SHANK1: variants seen among roughly 807,000 people sequenced by gnomAD.
SHANK1 encodes SH3 and multiple ankyrin repeat domains protein 1.
SHANK1 carries 35 observed loss-of-function variants against 165.6 expected under a neutral mutation model. The observed-to-expected ratio is 0.21, with a 90% CI of 0.16 to 0.28. The LOEUF is 0.28. SHANK1 is among the 10% of genes least tolerant of loss of function. SHANK1 has a pLI of 1.00. For synonymous variants in SHANK1, 1,428 were observed against 1,384.8 expected (o/e 1.03, Z -0.69); for missense variants, 2,681 against 3,036.4 (o/e 0.88, Z 2.75).
intron 23 of SHANK1, 35 bp downstream of exon 23, chr19:50,666,157 C>T (rs1985498375): frequency 1.3e-6 from 2 of 1,524,174 alleles, no homozygotes; most frequent in Non-Finnish European, 1.8e-6. Flanking sequence ...ATCAACACCT[C>T]TGGCCTCCCT....
rs148526987 is a variant in SHANK1 at position 50,702,575 on chromosome 19, G to T, written c.1639C>A (p.Arg547=). 1.2e-6 allele frequency: 2 copies of T among 1,609,762 alleles called. No individual in the cohort carries two copies. The highest frequency in any genetic ancestry group is 3.4e-5 in the Admixed American group (2 of 59,682). ...PGGSLGSRGR[R]RKLYSAVPGR... is the part of the protein sequence containing the mutation. ...GGTACCGCTGAGTAGAGCTTCCTCCGCCTCCCGCGGCTGCCCAGGGAGCCC... is the reference window on the plus strand; with the variant it reads ...GGTACCGCTGAGTAGAGCTTCCTCCTCCTCCCGCGGCTGCCCAGGGAGCCC... Residue 547 remains arginine, a synonymous_variant, in exon 12 of 24, where the codon CGG becomes AGG. Transcript: ENST00000293441. The surrounding 1 kb of genome is among the most constrained non-coding windows in gnomAD (Gnocchi z 5.3).
At chr19:50,705,040 C>A (rs1312155441) in intron 8 of SHANK1, among the ~76,000 whole-genome samples, 1 of 150,732 alleles carries the variant, frequency 6.6e-6, no homozygotes, top group Non-Finnish European at 1.5e-5. Context: ...GGACCTGTCT[C>A]CCCCCCAGAA....
Position 50,662,173 on chromosome 19 carries a change from T to G in SHANK1, c.6278A>C (p.Lys2093Thr). ...GAACTTGGTCCAGAACCCCAGAGGT[T>G]TAGCGCCAAACGGCTTGTCCGGGGG... The part of the protein sequence containing the change: ...SLPPDKPFGA[K>T]PLGFWTKFDV... The change falls in exon 24 of 24, where the codon AAA (lysine) becomes ACA (threonine). Residue 2093 changes from lysine to threonine, a missense_variant. Transcript: ENST00000293441. This position sits in a 1 kb window ranked among gnomAD's most constrained non-coding sequence, Gnocchi z 7.7. 3 of 1,611,354 alleles carry G rather than the reference T, an allele frequency of 1.9e-6. No homozygotes were observed. The highest frequency in any genetic ancestry group is 2.5e-6 in the Non-Finnish European group (3 of 1,177,816).
At chr19:50,682,350 G>A (rs752227286) in intron 21 of SHANK1, among the ~76,000 whole-genome samples, 89 of 152,142 alleles carry the variant, frequency 5.8e-4, no homozygotes, top group Non-Finnish European at 1.8e-4. Flanking sequence ...CACTGCGCCC[G>A]GCCCAGCCTG....
intron 15 of SHANK1, among the ~76,000 whole-genome samples, chr19:50,693,818 G>C (rs552713349): frequency 6.6e-6 from 1 of 152,146 alleles, no homozygotes; most frequent in African/African-American, 2.4e-5. Flanking sequence ...CATGGGCAGA[G>C]GGCAGAGCCA....
chr19:50,713,655 C>G lies in SHANK1; in HGVS notation c.792+143G>C. On this transcript the variant is annotated intron_variant, in intron 6 of 23. Transcript: ENST00000293441. The surrounding 1 kb of genome is among the most constrained non-coding windows in gnomAD (Gnocchi z 6.2). ...ACAAGGGTGACAATAGGGGCTGTGT[C>G]TCAGTCTATGGAAAGGGGCTTTGAA... The G allele has an allele frequency of 9.0e-7, 1 of 1,111,316 alleles. No individual in the cohort carries two copies. The highest frequency in any genetic ancestry group is 2.4e-5 in the East Asian group (1 of 42,124). The allele number at this position is 1,111,316 out of a possible 1,614,324, so 68.8% of individuals were successfully genotyped here.
In SHANK1 at chr19:50,690,903, G is replaced by A. The variant is rs1986518326; in HGVS notation, c.1965-1624C>T. On this transcript the variant is annotated intron_variant, in intron 15 of 23. Transcript: ENST00000293441. This position sits in a 1 kb window ranked among gnomAD's most constrained non-coding sequence, Gnocchi z 4.9. ...CCTGTATGCTCCCAGGACCCCCATG[G>A]CTCCCCTTGTAAAAATCCATACATT... Among the ~76,000 whole-genome samples, 1 of 152,060 alleles carries A rather than the reference G, an allele frequency of 6.6e-6. No homozygotes were observed.
chr19:50,662,611 G>T lies in SHANK1; in HGVS notation c.5840C>A (p.Pro1947Gln), dbSNP rs1433954231. The T allele has an allele frequency of 6.4e-7, 1 of 1,563,936 alleles. No homozygotes were observed. The highest frequency in any genetic ancestry group is 8.7e-7 in the Non-Finnish European group (1 of 1,154,052). ...VSSLFQNWPK[P>Q]PLPPLPTGTG... ...TCCGGTGGGGAGTGGCGGCAGAGGT[G>T]GTTTGGGCCAGTTCTGAAACAGGCT... The change falls in exon 24 of 24, where the codon CCA (proline) becomes CAA (glutamine). Residue 1947 changes from proline (P) to glutamine (Q), a missense_variant. By Grantham distance (76) the Pro-to-Gln change is moderately conservative. Coordinates refer to ENST00000293441, the MANE Select transcript of SHANK1 (RefSeq NM_016148.5). The surrounding 1 kb of genome is among the most constrained non-coding windows in gnomAD (Gnocchi z 7.7).
At chr19:50,671,596 T>C (rs111590190) in intron 22 of SHANK1, among the ~76,000 whole-genome samples, 414 of 152,024 alleles carry the variant, frequency 2.7e-3, no homozygotes, top group Middle Eastern at 6.8e-3. Context: ...GGCAAGCCCA[T>C]GAGGGCAGGA....
rs373757358 is a variant in SHANK1, at chr19:50,662,213, G to A, written c.6238C>T (p.Arg2080Cys). 31 of 1,609,540 alleles carry A rather than the reference G, an allele frequency of 1.9e-5. No individual in the cohort carries two copies. Among genetic ancestry groups the A allele is most frequent in the Middle Eastern group, 1.6e-4 (1 of 6,070 alleles). The change falls in exon 24 of 24, where the codon CGC (arginine) becomes TGC (cysteine). Residue 2080 changes from arginine (R) to cysteine (C), a missense_variant. By Grantham distance (180) the Arg-to-Cys change is radical. Around this residue, in one of 10 missense-constraint regions of SHANK1, gnomAD observed 1,713 missense variants for 1,630.2 expected, o/e 1.05. Transcript: ENST00000293441. This position sits in a 1 kb window ranked among gnomAD's most constrained non-coding sequence, Gnocchi z 7.7. ...SGASRSLSPT[R>C]LLSLPPDKPF... The stretch of plus-strand genomic sequence containing the variant: ...TTGTCCGGGGGCAGCGAGAGCAGGC[G>A]GGTCGGTGAGAGGGAGCGCGAGGCC...
At position 50,716,215 on chromosome 19, in the gene SHANK1, G is replaced by C. The variant is rs554674434; in HGVS notation, c.459+60C>G. ...TCGAGTGTGTTAAAAAGTGGGTGGGGGGCAGATGTGTTTTAGGGCATGCCT... is the reference window on the plus strand; with the variant it reads ...TCGAGTGTGTTAAAAAGTGGGTGGGCGGCAGATGTGTTTTAGGGCATGCCT... On this transcript the variant is annotated intron_variant, in intron 3 of 23. Coordinates refer to ENST00000293441, the MANE Select transcript of SHANK1 (RefSeq NM_016148.5). This position sits in a 1 kb window ranked among gnomAD's most constrained non-coding sequence, Gnocchi z 8.4. 6.6e-7 allele frequency: 1 copy of C among 1,507,184 alleles called. No individual in the cohort carries two copies. Among genetic ancestry groups the C allele is most frequent in the African/African-American group, 1.4e-5 (1 of 72,900 alleles). 93.4% of individuals were successfully genotyped at this position (1,507,184 alleles called of 1,614,324 possible). A position where few individuals can be genotyped will look rare whatever the true frequency, so the allele number is the denominator to read the frequency against.
chr19:50,691,351 C>T (rs529154264), intron 15 of SHANK1, among the ~76,000 whole-genome samples: 6 of 152,196 alleles, frequency 3.9e-5, no homozygotes, highest in Admixed American at 2.6e-4. Context: ...TCCAGGTCTC[C>T]AAGGCCCCCC....
chr19:50,702,339 G>A lies in SHANK1; in HGVS notation c.1747+128C>T. 2.6e-6 allele frequency: 2 copies of A among 769,694 alleles called. No individual in the cohort carries two copies. The highest frequency in any genetic ancestry group is 4.1e-6 in the Non-Finnish European group (2 of 490,880). 47.7% of individuals were successfully genotyped at this position (769,694 alleles called of 1,614,324 possible). A position where few individuals can be genotyped will look rare whatever the true frequency, so the allele number is the denominator to read the frequency against. On this transcript the variant is annotated intron_variant, in intron 12 of 23. Coordinates refer to ENST00000293441, the MANE Select transcript of SHANK1 (RefSeq NM_016148.5). The surrounding 1 kb of genome is among the most constrained non-coding windows in gnomAD (Gnocchi z 5.3). ...TCCAAGCCTCAAGGGGTGTCCTGGG[G>A]CTCTCTGAGGTCTCCAGAGTGCATG...
rs144762908 is a variant in SHANK1, at chr19:50,667,113, G to A, written c.4847C>T (p.Thr1616Ile). The A allele has an allele frequency of 1.9e-6, 3 of 1,558,492 alleles. No homozygotes were observed. Among genetic ancestry groups the A allele is most frequent in the Middle Eastern group, 1.7e-4 (1 of 5,906 alleles). ...PPPAVAAAPP[T>I]LDSTASSLTS... ...CAGGCTGGATGCGGTGGAGTCCAGG[G>A]TGGGAGGGGCTGCGGCCACAGCCGG... Residue 1616 changes from threonine to isoleucine, a missense_variant, in exon 23 of 24, where the codon ACC (threonine) becomes ATC (isoleucine). Thr to Ile is a moderately conservative substitution (Grantham distance 89, BLOSUM62 -1). Around this residue, in one of 10 missense-constraint regions of SHANK1, gnomAD observed 1,713 missense variants for 1,630.2 expected, o/e 1.05. Transcript: ENST00000293441. This position sits in a 1 kb window ranked among gnomAD's most constrained non-coding sequence, Gnocchi z 5.7.
intron 1 of SHANK1, among the ~76,000 whole-genome samples, chr19:50,719,083 G>T (rs894967162): frequency 1.3e-5 from 2 of 151,366 alleles, no homozygotes; most frequent in Non-Finnish European, 3.0e-5. Context: ...GGGAGTGGCC[G>T]GGCTGGGCGG....
In SHANK1 at chr19:50,713,558, T is replaced by C. The variant is rs2089033661; in HGVS notation, c.792+240A>G. ...CAGGGGATGGAGACGTTCTGGGTGT[T>C]TAGGGGAGGAGGCCGTGCCCGGGTC... On this transcript the variant is annotated intron_variant, in intron 6 of 23. Coordinates refer to ENST00000293441, the MANE Select transcript of SHANK1 (RefSeq NM_016148.5). The surrounding 1 kb of genome is among the most constrained non-coding windows in gnomAD (Gnocchi z 6.2). 6.6e-6 allele frequency among the ~76,000 whole-genome samples: 1 copy of C among 151,770 alleles called. No homozygotes were observed. The highest frequency in any genetic ancestry group is 2.4e-5 in the African/African-American group (1 of 41,266).
At chr19:50,664,563 G>T (rs1985404265) in intron 23 of SHANK1, among the ~76,000 whole-genome samples, 1 of 152,200 alleles carries the variant, frequency 6.6e-6, no homozygotes, top group Non-Finnish European at 1.5e-5. Flanking sequence ...ATTTGCCTAA[G>T]ATCACCCAGG....
In SHANK1 at chr19:50,716,861, G is replaced by C. The variant is rs1477523945; in HGVS notation, c.59C>G (p.Pro20Arg). 1 of 1,522,464 alleles carries C rather than the reference G, an allele frequency of 6.6e-7. No homozygotes were observed. Among genetic ancestry groups the C allele is most frequent in the African/African-American group, 1.4e-5 (1 of 71,510 alleles). 94.3% of individuals were successfully genotyped at this position (1,522,464 alleles called of 1,614,324 possible). A position where few individuals can be genotyped will look rare whatever the true frequency, so the allele number is the denominator to read the frequency against. Residue 20 changes from proline to arginine, a missense_variant, in exon 2 of 24, where the codon CCC (proline) becomes CGC (arginine). Coordinates refer to ENST00000293441, the MANE Select transcript of SHANK1 (RefSeq NM_016148.5). The surrounding 1 kb of genome is among the most constrained non-coding windows in gnomAD (Gnocchi z 8.4). Reference sequence around the variant, plus strand: ...GCTGTCGGACTCTGAGCCCCCCTCGGGACACTCGCTGGCACTGTGGCGTTC... The same window carrying C: ...GCTGTCGGACTCTGAGCCCCCCTCGCGACACTCGCTGGCACTGTGGCGTTC... ...DEERHSASEC[P>R]EGGSESDSSP...
In SHANK1 at chr19:50,662,462, G is replaced by A. The variant is rs1461581636; in HGVS notation, c.5989C>T (p.Arg1997Trp). The A allele has an allele frequency of 1.4e-5, 21 of 1,549,708 alleles. No individual in the cohort carries two copies. The highest frequency in any genetic ancestry group is 3.7e-5 in the South Asian group (3 of 81,664). Residue 1997 changes from arginine to tryptophan, a missense_variant, in exon 24 of 24, where the codon CGG (arginine) becomes TGG (tryptophan). Transcript: ENST00000293441. The surrounding 1 kb of genome is among the most constrained non-coding windows in gnomAD (Gnocchi z 7.7). ...EFEMRPPLLRRAPSPSLLPAS... is the reference protein window; with the variant it reads ...EFEMRPPLLRWAPSPSLLPAS... Reference sequence around the variant, plus strand: ...GGCAGCAGCGAGGGGCTGGGGGCCCGGCGGAGCAGAGGGGGCCGCATCTCG... The same window carrying A: ...GGCAGCAGCGAGGGGCTGGGGGCCCAGCGGAGCAGAGGGGGCCGCATCTCG...
Sources: gnomAD v4.1 joint callset for allele counts (sites outside exome capture counted in the v4.1 genomes callset) on GRCh38, gnomAD v4.1.1 for gene constraint, gnomAD v4.1.1 regional missense constraint, Gnocchi (gnomAD v3.1) non-coding constraint, MANE v1.5 for transcripts, NCBI Gene and HGNC (gene_info 2026-07-23, HGNC 2026-07-21) for gene names.